DDHD1: variants seen among roughly 807,000 people sequenced by gnomAD.
DDHD1 encodes the protein phospholipase DDHD1.
DDHD1 carries 49 observed loss-of-function variants against 96.4 expected under a neutral mutation model. That is an observed-to-expected ratio of 0.51 (90% confidence interval 0.40 to 0.64). DDHD1 has a LOEUF of 0.64. Ranked by LOEUF, DDHD1 falls within the 30% of genes least tolerant of loss-of-function variation. DDHD1 has a pLI of 0.00. For synonymous variants in DDHD1, 442 were observed against 446.5 expected (o/e 0.99, Z 0.13); for missense variants, 1,106 against 1,161.2 (o/e 0.95, Z 0.69).
chr14:53,116,587 C>A (rs1888559328), intron 1 of DDHD1, among the ~76,000 whole-genome samples: 1 of 152,202 alleles, frequency 6.6e-6, no homozygotes, highest in African/African-American at 2.4e-5. Flanking sequence ...AACCACACAA[C>A]TACATGGAAA....
chr14:53,077,160 G>C (rs1595131384), intron 4 of DDHD1, among the ~76,000 whole-genome samples: 1 of 152,108 alleles, frequency 6.6e-6, no homozygotes, highest in Admixed American at 6.5e-5. Flanking sequence ...GTTAGTTATA[G>C]GGGCTTCATC....
In DDHD1 at chr14:53,152,740, G is replaced by A. The variant is rs754759992; in HGVS notation, c.359C>T (p.Pro120Leu). ...GGGSSLSLHP[P>L]QQPPLVPTNS... Reference sequence around the variant, plus strand: ...CGTCGGGACCAGCGGAGGCTGCTGCGGCGGGTGCAGCGACAAGGAGCTGCC... The same window carrying A: ...CGTCGGGACCAGCGGAGGCTGCTGCAGCGGGTGCAGCGACAAGGAGCTGCC... The change falls in exon 1 of 13, where the codon CCG becomes CTG. Residue 120 changes from proline to leucine, a missense_variant. Transcript: ENST00000673822. 21 of 1,587,612 alleles carry A rather than the reference G, an allele frequency of 1.3e-5. No individual in the cohort carries two copies. The East Asian group carries it at 4.1e-4, about 31-fold the overall frequency.
rs369099316 is a variant in DDHD1 at position 53,058,513 on chromosome 14, G to C, written c.1956C>G (p.Asn652Lys). The C allele has an allele frequency of 7.4e-6, 12 of 1,613,124 alleles. No homozygotes were observed. The African/African-American group carries it at 1.2e-4, about 16-fold the overall frequency. Residue 652 changes from asparagine to lysine, a missense_variant, in exon 9 of 13, where the codon AAC (asparagine) becomes AAG (lysine). Around this residue, in one of 2 missense-constraint regions of DDHD1, gnomAD observed 650 missense variants for 758.8 expected, o/e 0.86. Coordinates refer to ENST00000673822, the MANE Select transcript of DDHD1 (RefSeq NM_001160148.2). ...QDHILPREIC[N>K]RLLNIFHPTD... ...TAGGATGAAAAATATTTAGTAACCGGTTACAAATCTCTCTAGGCAAAATAT... is the reference window on the plus strand; with the variant it reads ...TAGGATGAAAAATATTTAGTAACCGCTTACAAATCTCTCTAGGCAAAATAT...
At chr14:53,061,519 T>C (rs1202208865) in intron 7 of DDHD1, among the ~76,000 whole-genome samples, 1 of 152,194 alleles carries the variant, frequency 6.6e-6, no homozygotes, top group African/African-American at 2.4e-5. Flanking sequence ...TATATACTGT[T>C]CTCTCTTTTC....
In DDHD1 at chr14:53,073,860, A is replaced by T. The variant is rs778876100; in HGVS notation, c.1290-13T>A. On this transcript the variant is annotated splice_polypyrimidine_tract_variant and intron_variant, in intron 4 of 12. Transcript: ENST00000673822. ...AGCTTCTCTCATCCTAAAAAAACAAACAAACAAAAATGCAAACAAAGCTTT... is the reference window on the plus strand; with the variant it reads ...AGCTTCTCTCATCCTAAAAAAACAATCAAACAAAAATGCAAACAAAGCTTT... The T allele has an allele frequency of 6.2e-7, 1 of 1,602,000 alleles. No individual in the cohort carries two copies.
chr14:53,044,223 T>C lies in DDHD1; in HGVS notation c.*2545A>G, dbSNP rs1881857968. 6.6e-6 allele frequency: 1 copy of C among 152,148 alleles called. No homozygotes were observed. 9.4% of individuals were successfully genotyped at this position (152,148 alleles called of 1,614,324 possible). A position where few individuals can be genotyped will look rare whatever the true frequency, so the allele number is the denominator to read the frequency against. The stretch of plus-strand genomic sequence containing the variant: ...AAATGAACTGAAAACAAAACATCCA[T>C]CCAGTAGTCCAGAATATCTTATTTT... On this transcript the variant is annotated 3_prime_UTR_variant, in exon 13 of 13. Transcript: ENST00000673822.
chr14:53,149,203 A>C (rs1211177972), intron 1 of DDHD1, among the ~76,000 whole-genome samples: 1 of 152,246 alleles, frequency 6.6e-6, no homozygotes, highest in East Asian at 1.9e-4. Flanking sequence ...GAAGAATAAA[A>C]TAAAATCTTT....
rs1304281690 is a variant in DDHD1 at position 53,037,121 on chromosome 14, GCTGC to G, written c.*9643_*9646del. 3.3e-5 allele frequency: 5 copies of G among 152,036 alleles called. No individual in the cohort carries two copies. The highest frequency in any genetic ancestry group is 2.1e-4 in the South Asian group (1 of 4,822). The allele number at this position is 152,036 out of a possible 1,614,324, so 9.4% of individuals were successfully genotyped here. On this transcript the variant is annotated 3_prime_UTR_variant, in exon 13 of 13. Transcript: ENST00000673822. ...AGGACATGATTTTGTTCTTTTTATG[GCTGC>G]CTAATACTCCATGATTTATATGTAC...
intron 2 of DDHD1, among the ~76,000 whole-genome samples, chr14:53,095,049 T>C (rs1566560794): frequency 6.6e-6 from 1 of 152,202 alleles, no homozygotes; most frequent in Admixed American, 6.5e-5. Flanking sequence ...ATACCACAAA[T>C]ACAGCAATGT....
Position 53,041,258 on chromosome 14 carries a change from A to G in DDHD1, c.*5510T>C, listed in dbSNP as rs771545480. 6.6e-5 allele frequency: 10 copies of G among 152,160 alleles called. No homozygotes were observed. The highest frequency in any genetic ancestry group is 1.2e-4 in the Non-Finnish European group (8 of 68,028). The allele number at this position is 152,160 out of a possible 1,614,324, so 9.4% of individuals were successfully genotyped here. On this transcript the variant is annotated 3_prime_UTR_variant, in exon 13 of 13. Transcript: ENST00000673822. ...GGGAGGAAGCAAGTTGTACCATGTT[A>G]CATATAAATGAAAAACCATAAGGTA...
intron 1 of DDHD1, 74 bp from the exon 2 acceptor site, chr14:53,103,930 T>C: frequency 7.3e-7 from 1 of 1,377,384 alleles, no homozygotes; most frequent in Non-Finnish European, 9.6e-7. Flanking sequence ...GTATCTACAA[T>C]CTTATATTTT....
intron 4 of DDHD1, among the ~76,000 whole-genome samples, chr14:53,088,322 G>A (rs1886151796): frequency 1.3e-5 from 2 of 152,126 alleles, no homozygotes; most frequent in Non-Finnish European, 2.9e-5. Context: ...CATTTTATGA[G>A]GCCAACATCA....
chr14:53,116,893 A>G (rs1303924042), intron 1 of DDHD1, among the ~76,000 whole-genome samples: 1 of 152,184 alleles, frequency 6.6e-6, no homozygotes, highest in Non-Finnish European at 1.5e-5. Flanking sequence ...AGAGGACACA[A>G]AAAACCTTTC....
At chr14:53,119,668 T>C (rs145286547) in intron 1 of DDHD1, among the ~76,000 whole-genome samples, 320 of 152,334 alleles carry the variant, frequency 2.1e-3, no homozygotes, top group Middle Eastern at 3.4e-3. Flanking sequence ...TCAATAAACG[T>C]AATCCATCAT....
At chr14:53,062,826 C>T in intron 7 of DDHD1, 117 bp downstream of exon 7, 1 of 1,102,610 alleles carries the variant, frequency 9.1e-7, no homozygotes, top group African/African-American at 1.6e-5. Context: ...ATATAGTAAT[C>T]TTTGTATCTT....
intron 1 of DDHD1, among the ~76,000 whole-genome samples, chr14:53,104,971 C>G (rs1353090959): frequency 6.6e-6 from 1 of 151,684 alleles, no homozygotes; most frequent in East Asian, 1.9e-4. Context: ...TTGCAATAAC[C>G]ATATTGTTAG....
Position 53,037,485 on chromosome 14 carries a change from A to T in DDHD1, c.*9283T>A, listed in dbSNP as rs148235774. On this transcript the variant is annotated 3_prime_UTR_variant, in exon 13 of 13. Coordinates refer to ENST00000673822, the MANE Select transcript of DDHD1 (RefSeq NM_001160148.2). ...GTATCTTATTGTGGTTTTGATTTGCATTTCTCTGATGATTAGTGATGAGCA... is the reference window on the plus strand; with the variant it reads ...GTATCTTATTGTGGTTTTGATTTGCTTTTCTCTGATGATTAGTGATGAGCA... 1.3e-5 allele frequency: 2 copies of T among 151,978 alleles called. No individual in the cohort carries two copies. The highest frequency in any genetic ancestry group is 2.9e-5 in the Non-Finnish European group (2 of 68,000). The allele number at this position is 151,978 out of a possible 1,614,324, so 9.4% of individuals were successfully genotyped here. A position where few individuals can be genotyped will look rare whatever the true frequency, so the allele number is the denominator to read the frequency against.
At chr14:53,104,003 G>T in intron 1 of DDHD1, 147 bp from the exon 2 acceptor site, 2 of 683,426 alleles carry the variant, frequency 2.9e-6, no homozygotes, top group South Asian at 2.5e-5. Flanking sequence ...TTTTATTTAT[G>T]TTTATTTATT....
At position 53,136,328 on chromosome 14, in the gene DDHD1, T is replaced by C. The variant is rs571072111; in HGVS notation, c.838+15933A>G. 3.3e-5 allele frequency among the ~76,000 whole-genome samples: 5 copies of C among 152,320 alleles called. No homozygotes were observed. In the South Asian group the frequency reaches 1.0e-3, roughly 32 times the overall value. On this transcript the variant is annotated intron_variant, in intron 1 of 12. Transcript: ENST00000673822. The stretch of plus-strand genomic sequence containing the variant: ...CTCTTCACACGGACGCATGAGACAG[T>C]ACAAGCTTAGTGCCAGAGTTTCCAG...
Sources: allele counts gnomAD v4.1 joint callset (sites outside exome capture counted in the v4.1 genomes callset), GRCh38; gene constraint gnomAD v4.1.1; regional missense constraint gnomAD v4.1.1; transcripts MANE v1.5; gene names NCBI Gene and HGNC (gene_info 2026-07-23, HGNC 2026-07-21).